SLC8A3: variants seen among roughly 807,000 people sequenced by gnomAD.
The protein encoded by SLC8A3 is sodium/calcium exchanger 3.
Under a neutral mutation model 65.4 loss-of-function variants are expected in SLC8A3, and 37 were observed. The ratio of observed to expected loss-of-function variants is 0.57; its 90% CI spans 0.44 to 0.74. SLC8A3 has a LOEUF of 0.74. SLC8A3 is among the 30% of genes least tolerant of loss of function. The pLI is 0.00. For synonymous variants in SLC8A3, 461 were observed against 444.5 expected (o/e 1.04, Z -0.47); for missense variants, 1,112 against 1,172.1 (o/e 0.95, Z 0.75).
At chr14:70,187,424 C>T (rs1883368248) in intron 1 of SLC8A3, among the ~76,000 whole-genome samples, 3 of 151,944 alleles carry the variant, frequency 2.0e-5, no homozygotes, top group South Asian at 4.2e-4. Context: ...CCCCACCCCG[C>T]CACCACCACC....
chr14:70,098,963 G>A (rs985615511), intron 2 of SLC8A3, among the ~76,000 whole-genome samples: 1 of 152,152 alleles, frequency 6.6e-6, no homozygotes, highest in Non-Finnish European at 1.5e-5. Flanking sequence ...GGTTCTCCGG[G>A]CTGCTAGAGG....
chr14:70,064,656 A>G (rs561880321), intron 2 of SLC8A3, among the ~76,000 whole-genome samples: 1 of 152,298 alleles, frequency 6.6e-6, no homozygotes, highest in South Asian at 2.1e-4. Context: ...AGGCTTCTGC[A>G]GTCACAGGGA....
chr14:70,054,748 C>T (rs61151703), intron 3 of SLC8A3, among the ~76,000 whole-genome samples: 9,410 of 151,950 alleles, frequency 0.062, 623 homozygotes, highest in East Asian at 0.39. Flanking sequence ...TAGGAGTTAC[C>T]TACATTTTTT....
At chr14:70,172,818 T>C (rs1173876630) in intron 1 of SLC8A3, among the ~76,000 whole-genome samples, 1 of 152,186 alleles carries the variant, frequency 6.6e-6, no homozygotes, top group East Asian at 1.9e-4. Context: ...AAGAGGGCAC[T>C]GAGCCAGCCT....
At chr14:70,093,942 A>C (rs1388586083) in intron 2 of SLC8A3, among the ~76,000 whole-genome samples, 2 of 152,152 alleles carry the variant, frequency 1.3e-5, no homozygotes, top group Non-Finnish European at 1.5e-5. Context: ...CCAGGCTCCC[A>C]CTAGTTTGTG....
At chr14:70,098,046 ATCT>A (rs1386268347) in intron 2 of SLC8A3, among the ~76,000 whole-genome samples, 2 of 152,164 alleles carry the variant, frequency 1.3e-5, no homozygotes. Context: ...GGGAGGGGAA[ATCT>A]GTAAGCAGCA....
chr14:70,096,565 T>A (rs1173694924), intron 2 of SLC8A3, among the ~76,000 whole-genome samples: 3 of 152,228 alleles, frequency 2.0e-5, no homozygotes, highest in East Asian at 1.9e-4. Context: ...CAGTTTCACA[T>A]CACAGCTCCA....
chr14:70,174,784 A>C (rs192559209), intron 1 of SLC8A3, among the ~76,000 whole-genome samples: 31 of 147,048 alleles, frequency 2.1e-4, no homozygotes, highest in Admixed American at 7.0e-4. Context: ...TGAGGGGTGG[A>C]GACAAACAAG....
intron 1 of SLC8A3, among the ~76,000 whole-genome samples, chr14:70,178,707 T>C (rs1054760949): frequency 3.3e-5 from 5 of 152,232 alleles, no homozygotes; most frequent in Non-Finnish European, 7.3e-5. Flanking sequence ...TGTAGGTTCT[T>C]TGAAGATCAT....
intron 2 of SLC8A3, among the ~76,000 whole-genome samples, chr14:70,105,767 C>G (rs1338982415): frequency 6.6e-6 from 1 of 152,030 alleles, no homozygotes; most frequent in Non-Finnish European, 1.5e-5. Context: ...TTTCTTAAAC[C>G]CTTACAAAAA....
chr14:70,188,209 C>T (rs1323341514), intron 1 of SLC8A3, among the ~76,000 whole-genome samples, 170 bp downstream of exon 1: 1 of 152,196 alleles, frequency 6.6e-6, no homozygotes, highest in Non-Finnish European at 1.5e-5. Flanking sequence ...CTTCTCCTGG[C>T]ACTAAATCCA....
In SLC8A3 at chr14:70,152,577, C is replaced by T. The variant is rs144946734; in HGVS notation, c.1784+14062G>A. Reference sequence around the variant, plus strand: ...TAACCCCCAGGAGGGCTGGAAAGACCAAGGGATTTAGCCATGAGAAGAAAG... The same window carrying T: ...TAACCCCCAGGAGGGCTGGAAAGACTAAGGGATTTAGCCATGAGAAGAAAG... On this transcript the variant is annotated intron_variant, in intron 2 of 6. Coordinates refer to ENST00000356921, the MANE Select transcript of SLC8A3 (RefSeq NM_182932.3). 3.8e-3 allele frequency among the ~76,000 whole-genome samples: 570 copies of T among 151,806 alleles called. 6 individuals are homozygous for T. The highest frequency in any genetic ancestry group is 5.6e-3 in the Non-Finnish European group (380 of 67,936).
intron 3 of SLC8A3, chr14:70,060,306 C>A (rs576732089): frequency 1.2e-3 from 290 of 232,012 alleles, no homozygotes; most frequent in Middle Eastern, 7.1e-3. Flanking sequence ...ACCCAGGCCC[C>A]AACCCCCATC....
chr14:70,118,252 C>T (rs1262978318), intron 2 of SLC8A3, among the ~76,000 whole-genome samples: 3 of 152,222 alleles, frequency 2.0e-5, no homozygotes, highest in Non-Finnish European at 4.4e-5. Flanking sequence ...TATTACCCAA[C>T]AAGCTGCCTG....
chr14:70,126,547 TTCTCTCTCTC>T (rs36183214), intron 2 of SLC8A3, among the ~76,000 whole-genome samples: 119 of 118,106 alleles, frequency 1.0e-3, no homozygotes, highest in East Asian at 7.8e-3. Context: ...AGAAAGAAAA[TTCTCTCTCTC>T]TCTCTCTCTC....
At chr14:70,072,595 G>GTCCGTCCATCCA (rs1890108142) in intron 2 of SLC8A3, among the ~76,000 whole-genome samples, 2 of 149,678 alleles carry the variant, frequency 1.3e-5, no homozygotes, top group African/African-American at 4.9e-5. Flanking sequence ...CTATCTATCC[G>GTCCGTCCATCCA]TCCATCCATC....
chr14:70,045,922 C>T lies in SLC8A3; in HGVS notation c.*25G>A, dbSNP rs1265981798. 6 of 1,549,814 alleles carry T rather than the reference C, an allele frequency of 3.9e-6. No individual in the cohort carries two copies. Among genetic ancestry groups the T allele is most frequent in the South Asian group, 3.7e-5 (3 of 82,022 alleles). On this transcript the variant is annotated 3_prime_UTR_variant, in exon 7 of 7. Coordinates refer to ENST00000356921, the MANE Select transcript of SLC8A3 (RefSeq NM_182932.3). ...CTCTTAGGAGAAGTCCTAGGCCTGC[C>T]CTGCTGGAGGCTCTGTTGTGTGGCT...
In SLC8A3 at chr14:70,097,734, G is replaced by GCA. The variant is rs563948996; in HGVS notation, c.1785-36797_1785-36796dup. Among the ~76,000 whole-genome samples, 5 of 151,996 alleles carry GCA rather than the reference G, an allele frequency of 3.3e-5. No homozygotes were observed. In the East Asian group the frequency reaches 9.7e-4, roughly 29 times the overall value. The stretch of plus-strand genomic sequence containing the variant: ...TTGTAATACAAGAACACAACAACAT[G>GCA]CACACACACTCCAACAATCCAATGC... On this transcript the variant is annotated intron_variant, in intron 2 of 6. Coordinates refer to ENST00000356921, the MANE Select transcript of SLC8A3 (RefSeq NM_182932.3).
At chr14:70,144,046 G>A (rs570141629) in intron 2 of SLC8A3, among the ~76,000 whole-genome samples, 6 of 151,950 alleles carry the variant, frequency 3.9e-5, no homozygotes, top group African/African-American at 1.5e-4. Context: ...TTCTGAGTCC[G>A]TCTCCTCCAC....
Sources: allele counts gnomAD v4.1 joint callset (sites outside exome capture counted in the v4.1 genomes callset), GRCh38; gene constraint gnomAD v4.1.1; transcripts MANE v1.5; gene names NCBI Gene and HGNC (gene_info 2026-07-23, HGNC 2026-07-21).